Variants in GOLGA6L2 observed in about 807,000 individuals in gnomAD.
GOLGA6L2 encodes the protein golgin A6 family like 2, also known as golgin subfamily A member 6-like protein 2.
Under a neutral mutation model 35.9 loss-of-function variants are expected in GOLGA6L2, and 30 were observed. The ratio of observed to expected loss-of-function variants is 0.83; its 90% CI spans 0.62 to 1.13. The LOEUF is 1.13. GOLGA6L2 is among the 50% of genes most tolerant of loss of function. The pLI is 0.00. For missense variants in GOLGA6L2, 821 were observed against 973.4 expected (o/e 0.84, Z 2.08); for synonymous variants, 297 against 344.0 (o/e 0.86, Z 1.51).
In GOLGA6L2 at chr15:23,442,129, C is replaced by T. The variant is rs766426572; in HGVS notation, c.651-9G>A. ...GCTCCTCATTGGTTATGCTATGGCCCGAGGCAGTAGAGAAAGGAATGAACG... is the reference window on the plus strand; with the variant it reads ...GCTCCTCATTGGTTATGCTATGGCCTGAGGCAGTAGAGAAAGGAATGAACG... On this transcript the variant is annotated splice_polypyrimidine_tract_variant and intron_variant, in intron 6 of 7. Transcript: ENST00000567107. 2.0e-5 allele frequency: 32 copies of T among 1,568,410 alleles called. No individual in the cohort carries two copies. The highest frequency in any genetic ancestry group is 2.3e-4 in the Middle Eastern group (1 of 4,408).
rs1566739204 is a variant in GOLGA6L2 at position 23,444,202 on chromosome 15, G to C, written c.254C>G (p.Ala85Gly). 2 of 1,604,202 alleles carry C rather than the reference G, an allele frequency of 1.2e-6. No homozygotes were observed. Among genetic ancestry groups the C allele is most frequent in the South Asian group, 1.1e-5 (1 of 90,804 alleles). The change falls in exon 4 of 8, where the codon GCA (alanine) becomes GGA (glycine). Residue 85 changes from alanine (A) to glycine (G), a missense_variant. Physicochemically the swap from Ala to Gly is moderately conservative, Grantham distance 60 (BLOSUM62 0). Transcript: ENST00000567107. ...NRAQLKEEKK[A>G]SHQHQEALRR... ...TAGGGCTTCCTGATGTTGGTGGCTTGCCTTCTTTTCCTATAGAAAGAGGAA... is the reference window on the plus strand; with the variant it reads ...TAGGGCTTCCTGATGTTGGTGGCTTCCCTTCTTTTCCTATAGAAAGAGGAA...
At position 23,441,026 on chromosome 15, in the gene GOLGA6L2, C is replaced by G. The variant is rs1596039635; in HGVS notation, c.1449G>C (p.Gln483His). The G allele has an allele frequency of 1.3e-6, 2 of 1,536,156 alleles. No homozygotes were observed. Among genetic ancestry groups the G allele is most frequent in the Admixed American group, 2.0e-5 (1 of 50,446 alleles). Reference protein sequence around the residue: ...MQKQEENMWEQEEKEWQQQRL... With the variant: ...MQKQEENMWEHEEKEWQQQRL... ...TCTGCTGCTGCCACTCCTTCTCTTCCTGCTCCCACATATTCTCCTCCTGCT... is the reference window on the plus strand; with the variant it reads ...TCTGCTGCTGCCACTCCTTCTCTTCGTGCTCCCACATATTCTCCTCCTGCT... The change falls in exon 8 of 8, where the codon CAG becomes CAC. Residue 483 changes from glutamine (Q) to histidine (H), a missense_variant. By Grantham distance (24) the Gln-to-His change is conservative. Coordinates refer to ENST00000567107, the MANE Select transcript of GOLGA6L2 (RefSeq NM_001304388.2).
chr15:23,446,538 C>T (rs1000836889), intron 1 of GOLGA6L2, among the ~76,000 whole-genome samples: 3 of 152,216 alleles, frequency 2.0e-5, no homozygotes, highest in Admixed American at 6.5e-5. Context: ...CACTACATTT[C>T]ACTCCTCTGT....
At position 23,445,928 on chromosome 15, in the gene GOLGA6L2, C is replaced by T. The variant is rs116521494; in HGVS notation, c.85-490G>A. Among the ~76,000 whole-genome samples the T allele has an allele frequency of 5.2e-3, 792 of 152,220 alleles. 9 individuals are homozygous for T. The highest frequency in any genetic ancestry group is 0.018 in the African/African-American group (753 of 41,530). On this transcript the variant is annotated intron_variant, in intron 1 of 7. Coordinates refer to ENST00000567107, the MANE Select transcript of GOLGA6L2 (RefSeq NM_001304388.2). ...GAAGTCTGGTATACTTTTAGAAATC[C>T]GTGTGACTGTCATCCGTAAGAACAT... is the stretch of plus-strand genomic sequence containing the variant.
chr15:23,446,746 C>T (rs1191367006), intron 1 of GOLGA6L2, among the ~76,000 whole-genome samples: 20 of 151,864 alleles, frequency 1.3e-4, no homozygotes, highest in Admixed American at 1.3e-3. Context: ...CCAAAGTCAC[C>T]CTGGGGCGAC....
intron 2 of GOLGA6L2, among the ~76,000 whole-genome samples, chr15:23,444,904 A>G (rs1365024950): frequency 1.3e-5 from 2 of 149,870 alleles, no homozygotes; most frequent in African/African-American, 4.9e-5. Flanking sequence ...CCTTGGCCCC[A>G]AGGTTTCCAT....
chr15:23,444,359 T>C, intron 3 of GOLGA6L2, 112 bp downstream of exon 3: 2 of 1,491,096 alleles, frequency 1.3e-6, no homozygotes, highest in Non-Finnish European at 1.8e-6. Flanking sequence ...GGGTGGAATC[T>C]TGGCGGTGAG....
At position 23,439,407 on chromosome 15, in the gene GOLGA6L2, T is replaced by G. The variant is rs1234570952; in HGVS notation, c.*338A>C. On this transcript the variant is annotated 3_prime_UTR_variant, in exon 8 of 8. Transcript: ENST00000567107. ...GGTTGTAGGTTTCGGCCACAAGGCC[T>G]GGCTAGTATTTTACCACAATTTAAA... is the stretch of plus-strand genomic sequence containing the variant. 1 of 453,174 alleles carries G rather than the reference T, an allele frequency of 2.2e-6. No individual in the cohort carries two copies. The highest frequency in any genetic ancestry group is 3.7e-6 in the Non-Finnish European group (1 of 270,656). The allele number at this position is 453,174 out of a possible 1,614,324, so 28.1% of individuals were successfully genotyped here.
intron 1 of GOLGA6L2, 105 bp downstream of exon 1, chr15:23,446,993 G>T: frequency 3.2e-6 from 2 of 617,952 alleles, no homozygotes; most frequent in East Asian, 3.0e-5. Flanking sequence ...GGGGGACCCA[G>T]CCCAGTGTGC....
chr15:23,439,764 G>A lies in GOLGA6L2; in HGVS notation c.2711C>T (p.Ser904Phe). The A allele has an allele frequency of 6.5e-7, 1 of 1,535,478 alleles. No individual in the cohort carries two copies. Among genetic ancestry groups the A allele is most frequent in the Non-Finnish European group, 8.7e-7 (1 of 1,146,612 alleles). The change falls in exon 8 of 8, where the codon TCC (serine) becomes TTC (phenylalanine). Residue 904 changes from serine (S) to phenylalanine (F), a missense_variant. By Grantham distance (155) the Ser-to-Phe change is radical. This residue lies in a region of GOLGA6L2 where 48 missense variants were observed against 42.7 expected (regional missense o/e 1.12). Coordinates refer to ENST00000567107, the MANE Select transcript of GOLGA6L2 (RefSeq NM_001304388.2). ...CTCATATTACAAAGAACTTTGGAGG[G>A]AGGGAGGCAGGGCTCTGAGCACCGC... ...RGAVLRALPP[S>F]LQSSL is the part of the protein sequence containing the mutation.
In GOLGA6L2 at chr15:23,442,375, T is replaced by C. The variant is rs550905547; in HGVS notation, c.650+75A>G. The C allele has an allele frequency of 4.0e-3, 5,665 of 1,413,162 alleles. 17 individuals are homozygous for C. Among genetic ancestry groups the C allele is most frequent in the Non-Finnish European group, 4.9e-3 (5,131 of 1,042,690 alleles). 87.5% of individuals were successfully genotyped at this position (1,413,162 alleles called of 1,614,324 possible). On this transcript the variant is annotated intron_variant, in intron 6 of 7. Transcript: ENST00000567107. Reference sequence around the variant, plus strand: ...TGTATGACCCCCTACCATGCTCACCTGTACCCCCCACCTCCCAGCACACCA... The same window carrying C: ...TGTATGACCCCCTACCATGCTCACCCGTACCCCCCACCTCCCAGCACACCA...
chr15:23,443,587 T>C (rs28405630), intron 5 of GOLGA6L2, among the ~76,000 whole-genome samples, 190 bp downstream of exon 5: 6,670 of 152,264 alleles, frequency 0.044, 477 homozygotes, highest in African/African-American at 0.15. Context: ...CTCCCCACAG[T>C]GCCCCCCAAC....
Position 23,439,898 on chromosome 15 carries a change from ATCT to A in GOLGA6L2, c.2574_2576del (p.Glu858del), listed in dbSNP as rs574716144. On this transcript the variant is annotated inframe_deletion, in exon 8 of 8. Transcript: ENST00000567107. ...CCACATCTTCTCCTCCTGCCCCCAC[ATCT>A]TCTCCTCCTGGCCCCACATCTTCTC... The A allele has an allele frequency of 2.6e-4, 390 of 1,511,238 alleles. 3 individuals carry two copies. In the African/African-American group the frequency reaches 4.8e-3, roughly 19 times the overall value. 93.6% of individuals were successfully genotyped at this position (1,511,238 alleles called of 1,614,324 possible).
intron 3 of GOLGA6L2, 40 bp from the exon 4 acceptor site, chr15:23,444,252 C>G (rs1400396372): frequency 1.9e-6 from 3 of 1,588,228 alleles, no homozygotes; most frequent in African/African-American, 1.3e-5. Flanking sequence ...TAGGGGGAGG[C>G]AGAGATCCAC....
rs1190346338 is a variant in GOLGA6L2, at chr15:23,439,273, C to A, written c.*472G>T. ...GATTACAGGCGTGCACAACCACGCC[C>A]GGCTAACTTGTATTTTTAGTAGAGA... On this transcript the variant is annotated 3_prime_UTR_variant, in exon 8 of 8. Transcript: ENST00000567107. Among the ~76,000 whole-genome samples, 1 of 151,508 alleles carries A rather than the reference C, an allele frequency of 6.6e-6. No homozygotes were observed. Among genetic ancestry groups the A allele is most frequent in the East Asian group, 2.0e-4 (1 of 5,114 alleles).
intron 7 of GOLGA6L2, 132 bp from the exon 8 acceptor site, chr15:23,441,814 A>G (rs1193752903): frequency 1.0e-5 from 14 of 1,362,224 alleles, no homozygotes; most frequent in African/African-American, 1.5e-5. Context: ...CAGGGCCCCA[A>G]ATTTGTAGAT....
At position 23,441,301 on chromosome 15, in the gene GOLGA6L2, T is replaced by G; in HGVS notation, c.1174A>C (p.Met392Leu). ...CACATCCTCTCCTCTTGGTCCCGCA[T>G]CTTCTGCTCCTGCTCCCGCATCTGC... is the stretch of plus-strand genomic sequence containing the variant. ...EKQMREQEQK[M>L]RDQEERMWEQ... The change falls in exon 8 of 8, where the codon ATG becomes CTG. Residue 392 changes from methionine (M) to leucine (L), a missense_variant. Met to Leu is a conservative substitution (Grantham distance 15). Transcript: ENST00000567107. The G allele has an allele frequency of 6.5e-7, 1 of 1,535,054 alleles. No homozygotes were observed. The highest frequency in any genetic ancestry group is 8.7e-7 in the Non-Finnish European group (1 of 1,145,682).
intron 7 of GOLGA6L2, 138 bp from the exon 8 acceptor site, chr15:23,441,820 T>A: frequency 7.4e-7 from 1 of 1,353,762 alleles, no homozygotes; most frequent in Non-Finnish European, 9.7e-7. Flanking sequence ...CCCAAATTTG[T>A]AGATTTTTAG....
Position 23,440,783 on chromosome 15 carries a change from T to A in GOLGA6L2, c.1692A>T (p.Glu564Asp), listed in dbSNP as rs1181620514. The A allele has an allele frequency of 6.5e-7, 1 of 1,527,864 alleles. No individual in the cohort carries two copies. Among genetic ancestry groups the A allele is most frequent in the Non-Finnish European group, 8.8e-7 (1 of 1,134,548 alleles). 94.6% of individuals were successfully genotyped at this position (1,527,864 alleles called of 1,614,324 possible). ...CATCTTCTGCTCCTGATCCCGCATC[T>A]TCTCCTCCTGCTCCCACATCTGCTT... ...AGEADVGAGG[E>D]DAGSGAEDVG... The change falls in exon 8 of 8, where the codon GAA (glutamate) becomes GAT (aspartate). Residue 564 changes from glutamate (E) to aspartate (D), a missense_variant. Physicochemically the swap from Glu to Asp is conservative, Grantham distance 45. Transcript: ENST00000567107.
Sources: allele counts gnomAD v4.1 joint callset (sites outside exome capture counted in the v4.1 genomes callset), GRCh38; gene constraint gnomAD v4.1.1; regional missense constraint gnomAD v4.1.1; transcripts MANE v1.5; gene names NCBI Gene and HGNC (gene_info 2026-07-23, HGNC 2026-07-21).